Variants in ITGBL1 observed in about 807,000 individuals in gnomAD.
ITGBL1 encodes the protein integrin subunit beta like 1.
A neutral mutation model predicts 68.5 loss-of-function variants in ITGBL1; 51 were observed. The observed-to-expected ratio is 0.74, with a 90% CI of 0.59 to 0.94. The LOEUF (loss-of-function observed/expected upper bound fraction) is 0.94. Ranked by LOEUF, ITGBL1 falls within the 40% of genes least tolerant of loss-of-function variation. The probability of loss-of-function intolerance (pLI) is 0.00; values close to 1 mark genes in which losing one functional copy is unlikely to be tolerated. For synonymous variants in ITGBL1, 209 were observed against 227.3 expected (o/e 0.92, Z 0.72); for missense variants, 649 against 647.4 (o/e 1.00, Z -0.03).
At chr13:101,707,490 G>A (rs922229609) in intron 9 of ITGBL1, among the ~76,000 whole-genome samples, 1 of 152,110 alleles carries the variant, frequency 6.6e-6, no homozygotes, top group African/African-American at 2.4e-5. Flanking sequence ...AATTTTCTTT[G>A]CCCTAAAAAT....
chr13:101,539,095 A>T (rs1395940164), intron 2 of ITGBL1, among the ~76,000 whole-genome samples: 1 of 124,244 alleles, frequency 8.0e-6, no homozygotes, highest in Non-Finnish European at 1.6e-5. Context: ...GTACATGTGC[A>T]CAACGTGCAA....
At chr13:101,576,342 A>G (rs937457376) in intron 4 of ITGBL1, among the ~76,000 whole-genome samples, 1 of 152,162 alleles carries the variant, frequency 6.6e-6, no homozygotes, top group Non-Finnish European at 1.5e-5. Flanking sequence ...CCACAAGAGG[A>G]GTCTCTCCTC....
intron 7 of ITGBL1, among the ~76,000 whole-genome samples, chr13:101,605,140 A>G (rs1305690167): frequency 7.0e-6 from 1 of 142,684 alleles, no homozygotes; most frequent in Non-Finnish European, 1.5e-5. Flanking sequence ...GTATATGTGT[A>G]TATATACATA....
rs77656208 is a variant in ITGBL1 at position 101,635,471 on chromosome 13, C to T, written c.1015+37172C>T. ...TGCTAGTCATAGATATTATTACATG[C>T]CATGTAGTTGTGTGAGGTTTAAAAA... is the stretch of plus-strand genomic sequence containing the variant. On this transcript the variant is annotated intron_variant, in intron 7 of 10. Transcript: ENST00000376180. Among the ~76,000 whole-genome samples, 6 of 151,992 alleles carry T rather than the reference C, an allele frequency of 3.9e-5. No individual in the cohort carries two copies. The East Asian group carries it at 1.2e-3, about 29-fold the overall frequency.
At chr13:101,625,174 C>A (rs2031728523) in intron 7 of ITGBL1, among the ~76,000 whole-genome samples, 1 of 152,174 alleles carries the variant, frequency 6.6e-6, no homozygotes, top group South Asian at 2.1e-4. Context: ...CCTGATGGAG[C>A]ACTGGTGTCA....
chr13:101,484,875 C>G (rs916505818), intron 2 of ITGBL1, among the ~76,000 whole-genome samples: 1 of 151,890 alleles, frequency 6.6e-6, no homozygotes, highest in Non-Finnish European at 1.5e-5. Context: ...ACAAGACGCT[C>G]AATAAACTTG....
At chr13:101,622,915 A>ATGTGTGTGTGTGTGTGTGTGTG (rs59267168) in intron 7 of ITGBL1, among the ~76,000 whole-genome samples, 20 of 148,404 alleles carry the variant, frequency 1.3e-4, no homozygotes, top group African/African-American at 5.0e-4. Context: ...TGGGGTATGT[A>ATGTGTGTGTGTGTGTGTGTGTG]TGTGTGTGTG....
At chr13:101,688,748 AAGGTATTC>A (rs558528023) in intron 7 of ITGBL1, among the ~76,000 whole-genome samples, 273 of 152,344 alleles carry the variant, frequency 1.8e-3, no homozygotes, top group Non-Finnish European at 3.2e-3. Context: ...AACACAAATG[AAGGTATTC>A]AGGCAATTGG....
intron 7 of ITGBL1, among the ~76,000 whole-genome samples, chr13:101,678,115 C>G (rs1245692761): frequency 6.6e-6 from 1 of 152,026 alleles, no homozygotes; most frequent in East Asian, 1.9e-4. Flanking sequence ...GTACAAAGAG[C>G]TTTTTTGCAT....
chr13:101,599,868 C>T (rs1050934324), intron 7 of ITGBL1, among the ~76,000 whole-genome samples: 101 of 152,192 alleles, frequency 6.6e-4, no homozygotes, highest in African/African-American at 2.1e-3. Context: ...AGTCAGGTTG[C>T]GTGATGCCTC....
chr13:101,692,843 T>C, intron 8 of ITGBL1, 142 bp downstream of exon 8: 1 of 674,334 alleles, frequency 1.5e-6, no homozygotes, highest in Non-Finnish European at 2.7e-6. Context: ...CTAAAAGCAA[T>C]ATACAATTAG....
chr13:101,657,236 G>A (rs1017883694), intron 7 of ITGBL1, among the ~76,000 whole-genome samples: 6 of 152,124 alleles, frequency 3.9e-5, no homozygotes, highest in African/African-American at 1.4e-4. Flanking sequence ...TTAGCCCAGT[G>A]TATCCTCAGT....
intron 2 of ITGBL1, among the ~76,000 whole-genome samples, chr13:101,481,782 T>C (rs1406010960): frequency 1.3e-5 from 2 of 152,182 alleles, no homozygotes; most frequent in African/African-American, 4.8e-5. Flanking sequence ...TATATTTTTA[T>C]TTTTCCCCAT....
At position 101,579,444 on chromosome 13, in the gene ITGBL1, T is replaced by C. The variant is rs2050418699; in HGVS notation, c.727+17T>C. 2.5e-6 allele frequency: 4 copies of C among 1,611,654 alleles called. No homozygotes were observed. The highest frequency in any genetic ancestry group is 1.7e-4 in the Middle Eastern group (1 of 6,040). ...GTAACAGAGGTGTGTCATTCATACA[T>C]GTTACTACATAATGGGGAGGCAAAC... On this transcript the variant is annotated intron_variant, in intron 5 of 10. Transcript: ENST00000376180.
At chr13:101,598,016 G>C (rs943349878) in intron 6 of ITGBL1, 137 bp from the exon 7 acceptor site, 1 of 692,358 alleles carries the variant, frequency 1.4e-6, no homozygotes, top group Admixed American at 3.4e-5. Context: ...TGAGAAAAAT[G>C]TGCGTTTGCC....
At chr13:101,679,431 C>G (rs968626028) in intron 7 of ITGBL1, among the ~76,000 whole-genome samples, 1 of 152,114 alleles carries the variant, frequency 6.6e-6, no homozygotes, top group Non-Finnish European at 1.5e-5. Context: ...ATTCAGAAAT[C>G]CATAACTGTG....
At chr13:101,526,128 G>A (rs1230012888) in intron 2 of ITGBL1, among the ~76,000 whole-genome samples, 2 of 147,416 alleles carry the variant, frequency 1.4e-5, no homozygotes, top group Non-Finnish European at 3.0e-5. Context: ...TGGAGCCAAA[G>A]GCTAGTTTCT....
intron 7 of ITGBL1, among the ~76,000 whole-genome samples, chr13:101,646,569 A>C (rs1452651670): frequency 6.6e-6 from 1 of 152,136 alleles, no homozygotes; most frequent in Non-Finnish European, 1.5e-5. Flanking sequence ...GTGAATAAAG[A>C]GCCTTAAACA....
chr13:101,481,129 C>T (rs1219627300), intron 2 of ITGBL1, among the ~76,000 whole-genome samples: 5 of 146,932 alleles, frequency 3.4e-5, no homozygotes, highest in African/African-American at 1.0e-4. Context: ...TATATATACA[C>T]ATGTGCATAT....
Sources: allele counts gnomAD v4.1 joint callset (sites outside exome capture counted in the v4.1 genomes callset), GRCh38; gene constraint gnomAD v4.1.1; transcripts MANE v1.5; gene names NCBI Gene and HGNC (gene_info 2026-07-23, HGNC 2026-07-21).